Variants in FH observed in about 807,000 individuals in gnomAD.
The protein encoded by FH is fumarate hydratase, also known as fumarate hydratase, mitochondrial.
FH carries 22 observed loss-of-function variants against 49.4 expected under a neutral mutation model. The observed-to-expected ratio is 0.45, with a 90% CI of 0.32 to 0.64. The LOEUF (loss-of-function observed/expected upper bound fraction) is 0.64. FH is among the 30% of genes least tolerant of loss of function. The pLI is 0.05. For missense variants in FH, 526 were observed against 641.5 expected (o/e 0.82, Z 1.95); for synonymous variants, 208 against 223.0 (o/e 0.93, Z 0.60).
chr1:241,498,267 C>T (rs1659674859), intron 9 of FH, among the ~76,000 whole-genome samples: 1 of 152,076 alleles, frequency 6.6e-6, no homozygotes, highest in Admixed American at 6.5e-5. Context: ...GAAATTATAG[C>T]ACCACGACAT....
chr1:241,506,316 T>C, intron 5 of FH, 148 bp from the exon 6 acceptor site: 1 of 652,008 alleles, frequency 1.5e-6, no homozygotes. Flanking sequence ...ACTTCAAATC[T>C]TATGATGAGC....
intron 1 of FH, 121 bp downstream of exon 1, chr1:241,519,470 G>T: frequency 7.9e-7 from 1 of 1,260,484 alleles, no homozygotes; most frequent in Non-Finnish European, 1.1e-6. Context: ...GCTAAGCCCA[G>T]AGTCTGGCGC....
chr1:241,506,009 G>A lies in FH; in HGVS notation c.898C>T (p.Leu300Phe). ...AATTCACGTGATCACTAACCTGTAA[G>A]TGCAGCCACTTTTGCAGCAACCTTT... is the stretch of plus-strand genomic sequence containing the variant. ...AEKVAAKVAALTGLPFVTAPN... is the reference protein window; with the variant it reads ...AEKVAAKVAAFTGLPFVTAPN... The change falls in exon 6 of 10, where the codon CTT becomes TTT. Residue 300 changes from leucine (L) to phenylalanine (F), a missense_variant. By Grantham distance (22) the Leu-to-Phe change is conservative. This residue lies in a region of FH where 383 missense variants were observed against 514.0 expected (regional missense o/e 0.75). Coordinates refer to ENST00000366560, the MANE Select transcript of FH (RefSeq NM_000143.4). The A allele has an allele frequency of 6.2e-7, 1 of 1,613,860 alleles. No homozygotes were observed. Among genetic ancestry groups the A allele is most frequent in the Non-Finnish European group, 8.5e-7 (1 of 1,179,826 alleles).
At chr1:241,514,537 C>T (rs1368769657) in intron 2 of FH, among the ~76,000 whole-genome samples, 3 of 152,010 alleles carry the variant, frequency 2.0e-5, no homozygotes, top group African/African-American at 4.8e-5. Context: ...ATAGATCCCA[C>T]ACCAGGTTTG....
At chr1:241,511,404 G>T (rs1374249467) in intron 4 of FH, among the ~76,000 whole-genome samples, 4 of 152,142 alleles carry the variant, frequency 2.6e-5, no homozygotes, top group Non-Finnish European at 5.9e-5. Flanking sequence ...TATTACTGCA[G>T]CCCCAAAGGA....
chr1:241,504,176 C>G lies in FH; in HGVS notation c.974G>C (p.Ser325Thr), dbSNP rs1423324601. Residue 325 changes from serine (S) to threonine (T), a missense_variant, in exon 7 of 10, where the codon AGT becomes ACT. Physicochemically the swap from Ser to Thr is moderately conservative, Grantham distance 58. This residue lies in a region of FH where 383 missense variants were observed against 514.0 expected (regional missense o/e 0.75). Transcript: ENST00000366560. ...GCAGGCAGTAGTGTTCATGGCTCCA[C>G]TGAGCTCAACCAGAGCGTCATGAGC... is the stretch of plus-strand genomic sequence containing the variant. ...LAAHDALVEL[S>T]GAMNTTACSL... The G allele has an allele frequency of 5.6e-6, 9 of 1,614,110 alleles. No individual in the cohort carries two copies. The highest frequency in any genetic ancestry group is 7.6e-6 in the Non-Finnish European group (9 of 1,180,040).
At chr1:241,498,012 T>C (rs1488365673) in intron 9 of FH, 42 bp from the exon 10 acceptor site, 4 of 1,610,406 alleles carry the variant, frequency 2.5e-6, no homozygotes, top group Non-Finnish European at 8.5e-7. Context: ...TTAGCAGTGA[T>C]ATTTGGTTTC....
chr1:241,499,925 T>G lies in FH; in HGVS notation c.1390+512A>C, dbSNP rs536077460. On this transcript the variant is annotated intron_variant, in intron 9 of 9. Coordinates refer to ENST00000366560, the MANE Select transcript of FH (RefSeq NM_000143.4). ...CAATAGCATGGTTTTAGACAAAATATTTGCATTTTCCTTCCTCCCTTTCAC... is the reference window on the plus strand; with the variant it reads ...CAATAGCATGGTTTTAGACAAAATAGTTGCATTTTCCTTCCTCCCTTTCAC... 2.0e-5 allele frequency among the ~76,000 whole-genome samples: 3 copies of G among 152,338 alleles called. No homozygotes were observed. In the East Asian group the frequency reaches 5.8e-4, roughly 29 times the overall value.
chr1:241,498,836 G>A (rs1245806723), intron 9 of FH, among the ~76,000 whole-genome samples: 1 of 148,398 alleles, frequency 6.7e-6, no homozygotes, highest in Non-Finnish European at 1.5e-5. Context: ...AGCTTGCTGA[G>A]GCAGTATACA....
In FH at chr1:241,507,109, C is replaced by T. The variant is rs149293706; in HGVS notation, c.739-941G>A. Among the ~76,000 whole-genome samples the T allele has an allele frequency of 1.5e-3, 234 of 152,184 alleles. 1 individual carries two copies. Among genetic ancestry groups the T allele is most frequent in the Non-Finnish European group, 2.3e-3 (154 of 67,994 alleles). ...CACCACATAATGATGTTTCAGCCAA[C>T]GAAAGATCACATAAACAGTGGGACC... On this transcript the variant is annotated intron_variant, in intron 5 of 9. Coordinates refer to ENST00000366560, the MANE Select transcript of FH (RefSeq NM_000143.4).
rs1240149720 is a variant in FH at position 241,513,690 on chromosome 1, G to A, written c.291C>T (p.Gly97=). The change falls in exon 3 of 10, where the codon GGC becomes GGT. Residue 97 remains glycine (G), a synonymous_variant. Transcript: ENST00000366560. ...RMPTPVIKAF[G]ILKRAAAEVN... ...CTTCAGCGGCCGCTCGCTTCAAGAT[G>A]CCAAAAGCTTTAATAACTGGGGTCT... is the stretch of plus-strand genomic sequence containing the variant. 2.5e-6 allele frequency: 4 copies of A among 1,613,934 alleles called. No individual in the cohort carries two copies. Among genetic ancestry groups the A allele is most frequent in the Admixed American group, 1.7e-5 (1 of 60,012 alleles).
At chr1:241,500,702 T>C (rs1659757904) in intron 8 of FH, 112 bp from the exon 9 acceptor site, 2 of 1,390,484 alleles carry the variant, frequency 1.4e-6, no homozygotes, top group South Asian at 1.3e-5. Context: ...ACAGTAAATA[T>C]ACAATTCAAT....
intron 8 of FH, among the ~76,000 whole-genome samples, chr1:241,501,782 C>T (rs1401220013): frequency 2.0e-5 from 3 of 152,162 alleles, no homozygotes; most frequent in Non-Finnish European, 4.4e-5. Flanking sequence ...CCACTATCTG[C>T]AGCTGAGGAA....
rs374494513 is a variant in FH at position 241,502,438 on chromosome 1, C to T, written c.1236+5G>A. ...AAAACATTAAAAATCAGATTTAAAG[C>T]TTACCATCATTGGCTTGAAAACATT... On this transcript the variant is annotated splice_donor_5th_base_variant and intron_variant, in intron 8 of 9. Coordinates refer to ENST00000366560, the MANE Select transcript of FH (RefSeq NM_000143.4). The T allele has an allele frequency of 6.2e-7, 1 of 1,613,948 alleles. No individual in the cohort carries two copies. Among genetic ancestry groups the T allele is most frequent in the African/African-American group, 1.3e-5 (1 of 75,002 alleles).
At chr1:241,505,953 C>T in intron 6 of FH, 50 bp downstream of exon 6, 1 of 1,538,496 alleles carries the variant, frequency 6.5e-7, no homozygotes, top group South Asian at 1.1e-5. Flanking sequence ...AATGTACAGA[C>T]CACGTATAAT....
rs1308542015 is a variant in FH, at chr1:241,497,795, T to C, written c.*33A>G. On this transcript the variant is annotated 3_prime_UTR_variant, in exon 10 of 10. Transcript: ENST00000366560. ...TGGGAGTCTGTTTTTTTAAATTTTA[T>C]ACATGTTTATTTTCATTATAAATTT... 4 of 1,535,630 alleles carry C rather than the reference T, an allele frequency of 2.6e-6. No homozygotes were observed. The highest frequency in any genetic ancestry group is 2.3e-4 in the Middle Eastern group (1 of 4,324).
intron 2 of FH, among the ~76,000 whole-genome samples, 197 bp downstream of exon 2, chr1:241,516,984 AT>A: frequency 6.6e-6 from 1 of 152,210 alleles, no homozygotes; most frequent in East Asian, 1.9e-4. Context: ...ATTCAAAGCG[AT>A]GGCTCAAAAT....
At chr1:241,507,886 G>T (rs1179840319) in intron 5 of FH, among the ~76,000 whole-genome samples, 1 of 152,030 alleles carries the variant, frequency 6.6e-6, no homozygotes, top group East Asian at 1.9e-4. Context: ...TACCCCAATT[G>T]GAGTGTGAGT....
Position 241,504,073 on chromosome 1 carries a change from A to T in FH, c.1077T>A (p.Pro359=), listed in dbSNP as rs750535216. ...PRSGLGELIL[P]ENEPGSSIMP... ...TGATACTGCTTCCTGGTTCATTTTC[A>T]GGCAAGATCAATTCTCCCAGACCTG... The change falls in exon 7 of 10, where the codon CCT becomes CCA. Residue 359 remains proline, a synonymous_variant. Coordinates refer to ENST00000366560, the MANE Select transcript of FH (RefSeq NM_000143.4). The T allele has an allele frequency of 2.0e-5, 33 of 1,614,192 alleles. No individual in the cohort carries two copies. In the East Asian group the frequency reaches 6.9e-4, roughly 34 times the overall value.
Sources: gnomAD v4.1 joint callset for allele counts (sites outside exome capture counted in the v4.1 genomes callset) on GRCh38, gnomAD v4.1.1 for gene constraint, gnomAD v4.1.1 regional missense constraint, MANE v1.5 for transcripts, NCBI Gene and HGNC (gene_info 2026-07-23, HGNC 2026-07-21) for gene names.